The following CYFIP1 variants were observed in gnomAD, a reference collection of about 807,000 sequenced individuals.
CYFIP1 encodes cytoplasmic FMR1 interacting protein 1, also known as cytoplasmic FMR1-interacting protein 1.
Under a neutral mutation model 163.5 loss-of-function variants are expected in CYFIP1, and 58 were observed. The ratio of observed to expected loss-of-function variants is 0.35; its 90% CI spans 0.29 to 0.44. CYFIP1 has a LOEUF of 0.44. Ranked by LOEUF, CYFIP1 falls within the 20% of genes least tolerant of loss-of-function variation. The pLI is 1.00. For synonymous variants in CYFIP1, 663 were observed against 660.7 expected (o/e 1.00, Z -0.05); for missense variants, 1,338 against 1,653.8 (o/e 0.81, Z 3.31).
At chr15:22,892,076 C>T (rs780381161) in intron 23 of CYFIP1, among the ~76,000 whole-genome samples, 47 of 152,302 alleles carry the variant, frequency 3.1e-4, no homozygotes, top group Non-Finnish European at 5.1e-4. Context: ...AGAGGGAAGA[C>T]GCTTTCGCTC....
Position 22,882,915 on chromosome 15 carries a change from C to G in CYFIP1, c.2773G>C (p.Gly925Arg). 1.9e-6 allele frequency: 3 copies of G among 1,614,044 alleles called. No homozygotes were observed. Among genetic ancestry groups the G allele is most frequent in the East Asian group, 2.2e-5 (1 of 44,874 alleles). Residue 925 changes from glycine to arginine, a missense_variant, in exon 24 of 31, where the codon GGT (glycine) becomes CGT (arginine). By Grantham distance (125) the Gly-to-Arg change is moderately radical. Transcript: ENST00000617928. ...AGCTCCTCCATGACCACGGCGATAC[C>G]CTGGTAGCCGAGAAGCCGGCAGATG... is the stretch of plus-strand genomic sequence containing the variant. ...QVICRLLGYQGIAVVMEELLK... is the reference protein window; with the variant it reads ...QVICRLLGYQRIAVVMEELLK...
rs116546592 is a variant in CYFIP1 at position 22,913,999 on chromosome 15, G to A, written c.1985+727C>T. Among the ~76,000 whole-genome samples, 1,017 of 152,296 alleles carry A rather than the reference G, an allele frequency of 6.7e-3. 10 individuals are homozygous for A. Among genetic ancestry groups the A allele is most frequent in the African/African-American group, 0.023 (968 of 41,554 alleles). On this transcript the variant is annotated intron_variant, in intron 17 of 30. Coordinates refer to ENST00000617928, the MANE Select transcript of CYFIP1 (RefSeq NM_014608.6). ...AGACCGGCTGGGCGGCTCCCCAGTC[G>A]CTCACCATGAGACACACCCTTTTCC...
chr15:22,921,782 A>AG (rs1566975441), intron 13 of CYFIP1, among the ~76,000 whole-genome samples: 13 of 92,820 alleles, frequency 1.4e-4, no homozygotes, highest in East Asian at 4.4e-4. Context: ...AAAAAAAAAA[A>AG]AAAGAAGCAC....
At position 22,926,211 on chromosome 15, in the gene CYFIP1, C is replaced by T. The variant is rs989727542; in HGVS notation, c.1234-104G>A. ...GCCAAAGCCAGGCCAGCCTTCAAAC[C>T]TTTGCTGCATTCTGAAAGTCACACA... On this transcript the variant is annotated intron_variant, in intron 12 of 30. Transcript: ENST00000617928. 5 of 1,531,086 alleles carry T rather than the reference C, an allele frequency of 3.3e-6. No individual in the cohort carries two copies. In the African/African-American group the frequency reaches 5.5e-5, roughly 17 times the overall value. 94.8% of individuals were successfully genotyped at this position (1,531,086 alleles called of 1,614,324 possible). A position where few individuals can be genotyped will look rare whatever the true frequency, so the allele number is the denominator to read the frequency against.
intron 1 of CYFIP1, among the ~76,000 whole-genome samples, chr15:22,956,798 C>T (rs1047163091): frequency 5.9e-5 from 9 of 152,222 alleles, no homozygotes; most frequent in Admixed American, 1.3e-4. Context: ...GAGCACACAG[C>T]AGAATGGTGG....
intron 23 of CYFIP1, among the ~76,000 whole-genome samples, chr15:22,883,689 T>C (rs371238651): frequency 2.3e-3 from 346 of 151,582 alleles, no homozygotes; most frequent in East Asian, 8.8e-3. Context: ...TGGTGGCAGG[T>C]GCCTGTAGTC....
At chr15:22,971,881 T>C (rs879600408) in intron 1 of CYFIP1, among the ~76,000 whole-genome samples, 11 of 144,074 alleles carry the variant, frequency 7.6e-5, no homozygotes, top group Non-Finnish European at 1.4e-4. Flanking sequence ...AAAAAATAAA[T>C]AAACAATAGA....
chr15:22,906,547 C>A (rs1198922467), intron 21 of CYFIP1, among the ~76,000 whole-genome samples: 1 of 150,094 alleles, frequency 6.7e-6, no homozygotes, highest in Non-Finnish European at 1.5e-5. Context: ...CTCACTGCAA[C>A]CTCCGCCTCC....
At position 22,917,107 on chromosome 15, in the gene CYFIP1, G is replaced by C. The variant is rs191519859; in HGVS notation, c.1675-477C>G. On this transcript the variant is annotated intron_variant, in intron 15 of 30. Coordinates refer to ENST00000617928, the MANE Select transcript of CYFIP1 (RefSeq NM_014608.6). This position sits in a 1 kb window ranked among gnomAD's most constrained non-coding sequence, Gnocchi z 4.2. ...ACACACACACCCCAGGCAGGGACAC[G>C]GGACGCACGCAGAGGGAGGCAGGGA... 1.4e-6 allele frequency: 2 copies of C among 1,459,350 alleles called. No individual in the cohort carries two copies. Among genetic ancestry groups the C allele is most frequent in the African/African-American group, 2.8e-5 (2 of 70,416 alleles). 90.4% of individuals were successfully genotyped at this position (1,459,350 alleles called of 1,614,324 possible). A position where few individuals can be genotyped will look rare whatever the true frequency, so the allele number is the denominator to read the frequency against.
Position 22,912,227 on chromosome 15 carries a change from C to T in CYFIP1, c.2034G>A (p.Ala678=), listed in dbSNP as rs369835461. 35 of 1,613,924 alleles carry T rather than the reference C, an allele frequency of 2.2e-5. No individual in the cohort carries two copies. The African/African-American group carries it at 2.5e-4, about 12-fold the overall frequency. ...LDLYNDSAHY[A]LTRFNKQFLY... ...GGAACTGCTTGTTGAACCTGGTGAGCGCGTAGTGGGCGCTGTCATTGTACA... is the reference window on the plus strand; with the variant it reads ...GGAACTGCTTGTTGAACCTGGTGAGTGCGTAGTGGGCGCTGTCATTGTACA... Residue 678 remains alanine, a synonymous_variant, in exon 18 of 31, where the codon GCG becomes GCA. Coordinates refer to ENST00000617928, the MANE Select transcript of CYFIP1 (RefSeq NM_014608.6).
rs1470005321 is a variant in CYFIP1, at chr15:22,927,957, C to T, written c.1182G>A (p.Ala394=). ...DAEYRKLFDL[A]LQGLQLLSQW... ...GCGACAACAGCTGCAGGCCCTGCAGCGCCAGGTCGAAGAGCTTGCGGTACT... is the reference window on the plus strand; with the variant it reads ...GCGACAACAGCTGCAGGCCCTGCAGTGCCAGGTCGAAGAGCTTGCGGTACT... Residue 394 remains alanine (A), a synonymous_variant, in exon 12 of 31, where the codon GCG becomes GCA. Transcript: ENST00000617928. 1.2e-6 allele frequency: 2 copies of T among 1,605,918 alleles called. No individual in the cohort carries two copies. Among genetic ancestry groups the T allele is most frequent in the Non-Finnish European group, 1.7e-6 (2 of 1,177,790 alleles).
At chr15:22,902,098 A>C (rs1010737870) in intron 22 of CYFIP1, among the ~76,000 whole-genome samples, 3 of 152,178 alleles carry the variant, frequency 2.0e-5, no homozygotes, top group Non-Finnish European at 4.4e-5. Flanking sequence ...TCTCTTGGGG[A>C]AACAGGTGAC....
chr15:22,966,774 G>A (rs1016233968), intron 1 of CYFIP1, among the ~76,000 whole-genome samples: 4 of 151,658 alleles, frequency 2.6e-5, no homozygotes, highest in African/African-American at 9.7e-5. Flanking sequence ...TGGAGAAAGG[G>A]AACCCGCTTG....
intron 14 of CYFIP1, 73 bp downstream of exon 14, chr15:22,918,619 C>T (rs2061075787): frequency 2.2e-6 from 3 of 1,341,850 alleles, no homozygotes; most frequent in South Asian, 1.6e-5. Context: ...GAATTTAACG[C>T]TCCTGTTGTT....
chr15:22,873,395 G>C, intron 29 of CYFIP1, 96 bp downstream of exon 29: 1 of 1,036,098 alleles, frequency 9.7e-7, no homozygotes, highest in Non-Finnish European at 1.4e-6. Flanking sequence ...TCCACTTCCT[G>C]AGCATGGCTG....
chr15:22,962,174 G>C (rs566516004), intron 1 of CYFIP1, among the ~76,000 whole-genome samples: 132 of 152,278 alleles, frequency 8.7e-4, no homozygotes, highest in Admixed American at 1.3e-3. Flanking sequence ...ATTGGTAGTA[G>C]GATTTTTAAA....
At chr15:22,956,880 C>T (rs979299253) in intron 1 of CYFIP1, among the ~76,000 whole-genome samples, 1 of 152,256 alleles carries the variant, frequency 6.6e-6, no homozygotes, top group Admixed American at 6.5e-5. Flanking sequence ...TTGTATTTTA[C>T]CACATTAGAG....
At chr15:22,924,985 T>C (rs1003268484) in intron 13 of CYFIP1, among the ~76,000 whole-genome samples, 2 of 152,138 alleles carry the variant, frequency 1.3e-5, no homozygotes, top group African/African-American at 2.4e-5. Flanking sequence ...GGTGGGAGGA[T>C]TGCTTGAGTC....
chr15:22,979,505 C>CTCAA (rs1276258138), intron 1 of CYFIP1, among the ~76,000 whole-genome samples: 1 of 152,160 alleles, frequency 6.6e-6, no homozygotes, highest in Non-Finnish European at 1.5e-5. Flanking sequence ...CGGCGCTGGG[C>CTCAA]TCAATCAGCA....
Sources: allele counts gnomAD v4.1 joint callset (sites outside exome capture counted in the v4.1 genomes callset), GRCh38; gene constraint gnomAD v4.1.1; non-coding constraint Gnocchi (gnomAD v3.1); transcripts MANE v1.5; gene names NCBI Gene and HGNC (gene_info 2026-07-23, HGNC 2026-07-21).